Variants in ATP2B2 observed in about 807,000 individuals in gnomAD.
ATP2B2 encodes the protein ATPase plasma membrane Ca2+ transporting 2, also known as plasma membrane calcium-transporting ATPase 2.
ATP2B2 carries 15 observed loss-of-function variants against 120.0 expected under a neutral mutation model. The ratio of observed to expected loss-of-function variants is 0.12; its 90% CI spans 0.08 to 0.19. The LOEUF is 0.19. Ranked by LOEUF, ATP2B2 falls within the 10% of genes least tolerant of loss-of-function variation. The probability of loss-of-function intolerance (pLI) is 1.00; values close to 1 mark genes in which losing one functional copy is unlikely to be tolerated. For synonymous variants in ATP2B2, 694 were observed against 700.3 expected (o/e 0.99, Z 0.14); for missense variants, 1,045 against 1,719.8 (o/e 0.61, Z 6.94).
chr3:10,541,098 A>G (rs1034976937), intron 2 of ATP2B2, among the ~76,000 whole-genome samples: 1 of 152,004 alleles, frequency 6.6e-6, no homozygotes, highest in African/African-American at 2.4e-5. Context: ...TGGGGTCTGT[A>G]GCGTTATTCT....
chr3:10,571,424 G>C (rs1432487440), intron 2 of ATP2B2, among the ~76,000 whole-genome samples: 1 of 152,244 alleles, frequency 6.6e-6, no homozygotes, highest in Non-Finnish European at 1.5e-5. Flanking sequence ...CCAGCATGCT[G>C]CCTGGAGTCC....
At chr3:10,670,257 C>T (rs1308963934) in intron 1 of ATP2B2, among the ~76,000 whole-genome samples, 3 of 152,170 alleles carry the variant, frequency 2.0e-5, no homozygotes, top group African/African-American at 7.2e-5. Flanking sequence ...AAAGGGTCAT[C>T]GCCAGGCGGC....
intron 2 of ATP2B2, among the ~76,000 whole-genome samples, chr3:10,538,657 C>T (rs1037539794): frequency 2.0e-5 from 3 of 152,116 alleles, no homozygotes; most frequent in African/African-American, 7.2e-5. Flanking sequence ...GCAGAAAAGG[C>T]CTTCGACAAA....
intron 5 of ATP2B2, among the ~76,000 whole-genome samples, chr3:10,400,099 C>T (rs1289468410): frequency 3.3e-5 from 5 of 152,330 alleles, no homozygotes; most frequent in South Asian, 2.1e-4. Flanking sequence ...GCCTTTTGGG[C>T]GTCCCTGTGA....
intron 1 of ATP2B2, among the ~76,000 whole-genome samples, chr3:10,456,076 G>T (rs1198445567): frequency 6.6e-6 from 1 of 152,208 alleles, no homozygotes; most frequent in Non-Finnish European, 1.5e-5. Context: ...CAGAAGGGAG[G>T]TTGGGAGAGG....
intron 2 of ATP2B2, among the ~76,000 whole-genome samples, chr3:10,449,065 G>T (rs990857107): frequency 1.3e-5 from 2 of 152,172 alleles, no homozygotes; most frequent in Non-Finnish European, 2.9e-5. Context: ...CTCTGCGGCT[G>T]TGGGGCTCCT....
chr3:10,660,345 T>C (rs1365646600), intron 1 of ATP2B2, among the ~76,000 whole-genome samples: 1 of 151,478 alleles, frequency 6.6e-6, no homozygotes, highest in Non-Finnish European at 1.5e-5. Flanking sequence ...ATTGATAGAC[T>C]TCTAGCAAGA....
chr3:10,419,070 T>G lies in ATP2B2; in HGVS notation c.200-8255A>C, dbSNP rs140505734. Among the ~76,000 whole-genome samples, 1,453 of 152,346 alleles carry G rather than the reference T, an allele frequency of 9.5e-3. 28 individuals are homozygous for G. Among genetic ancestry groups the G allele is most frequent in the African/African-American group, 0.032 (1,317 of 41,576 alleles). On this transcript the variant is annotated intron_variant, in intron 2 of 22. Coordinates refer to ENST00000360273, the MANE Select transcript of ATP2B2 (RefSeq NM_001001331.4). ...TGGTGACTTGGGCAAATCATTTCCC[T>G]TCTCAGAGCCACAGTGTTCACCTCT...
At chr3:10,486,287 ATC>A (rs767883046) in intron 1 of ATP2B2, among the ~76,000 whole-genome samples, 3 of 151,462 alleles carry the variant, frequency 2.0e-5, no homozygotes, top group Non-Finnish European at 4.4e-5. Flanking sequence ...TGAGATGACA[ATC>A]TGTTTTTCAA....
intron 2 of ATP2B2, among the ~76,000 whole-genome samples, chr3:10,560,769 G>A (rs746857397): frequency 1.3e-5 from 2 of 152,094 alleles, no homozygotes; most frequent in African/African-American, 2.4e-5. Context: ...GGCTGGATTC[G>A]AGCACATTGT....
At chr3:10,532,538 T>A (rs1030562199) in intron 3 of ATP2B2, among the ~76,000 whole-genome samples, 1 of 152,238 alleles carries the variant, frequency 6.6e-6, no homozygotes, top group Non-Finnish European at 1.5e-5. Flanking sequence ...TGGATGGCTC[T>A]CCTCAACCTC....
intron 22 of ATP2B2, among the ~76,000 whole-genome samples, chr3:10,334,156 GC>G (rs750568860): frequency 1.3e-5 from 2 of 152,228 alleles, no homozygotes; most frequent in Non-Finnish European, 2.9e-5. Flanking sequence ...AAGGCAGTGG[GC>G]CTGCCCAGCG....
chr3:10,663,901 G>T (rs1237086782), intron 1 of ATP2B2, among the ~76,000 whole-genome samples: 2 of 152,126 alleles, frequency 1.3e-5, no homozygotes, highest in Non-Finnish European at 2.9e-5. Context: ...CTCTATCTTT[G>T]TATGTTTCCT....
intron 2 of ATP2B2, among the ~76,000 whole-genome samples, chr3:10,572,141 C>T (rs1218125873): frequency 4.6e-5 from 7 of 152,298 alleles, no homozygotes; most frequent in East Asian, 3.9e-4. Context: ...TGGTTGCAGG[C>T]GGAGGCTCAG....
In ATP2B2 at chr3:10,462,843, G is replaced by A. The variant is rs540877061; in HGVS notation, c.-319-12981C>T. Among the ~76,000 whole-genome samples the A allele has an allele frequency of 2.0e-5, 3 of 152,232 alleles. No individual in the cohort carries two copies. In the South Asian group the frequency reaches 6.2e-4, roughly 32 times the overall value. On this transcript the variant is annotated intron_variant, in intron 1 of 22. Coordinates refer to ENST00000360273, the MANE Select transcript of ATP2B2 (RefSeq NM_001001331.4). ...TCCCACATCCCACCTGATTGGCTCT[G>A]AGCTGGCCTCTCTGGGGTCTGAGCT...
chr3:10,492,152 C>T (rs1219410658), intron 1 of ATP2B2, among the ~76,000 whole-genome samples: 2 of 152,050 alleles, frequency 1.3e-5, no homozygotes, highest in Non-Finnish European at 2.9e-5. Flanking sequence ...GCTGTTGCTG[C>T]CTGGTTTCTT....
intron 2 of ATP2B2, among the ~76,000 whole-genome samples, chr3:10,615,130 C>T (rs1452122568): frequency 2.6e-5 from 4 of 152,086 alleles, no homozygotes; most frequent in Non-Finnish European, 5.9e-5. Flanking sequence ...GCACCCTAAA[C>T]CACTATTGTC....
At position 10,340,181 on chromosome 3, in the gene ATP2B2, A is replaced by T; in HGVS notation, c.3237+61T>A. On this transcript the variant is annotated intron_variant, in intron 21 of 22. Coordinates refer to ENST00000360273, the MANE Select transcript of ATP2B2 (RefSeq NM_001001331.4). This position sits in a 1 kb window ranked among gnomAD's most constrained non-coding sequence, Gnocchi z 5.0. ...CATTCCTGGGGGTCCTGGATTCTCC[A>T]TCCAGTGCTGTCTCCCTTGCCCTGC... 6.6e-7 allele frequency: 1 copy of T among 1,521,262 alleles called. No individual in the cohort carries two copies. Among genetic ancestry groups the T allele is most frequent in the Non-Finnish European group, 9.1e-7 (1 of 1,101,106 alleles). The allele number at this position is 1,521,262 out of a possible 1,614,324, so 94.2% of individuals were successfully genotyped here. A position where few individuals can be genotyped will look rare whatever the true frequency, so the allele number is the denominator to read the frequency against.
intron 1 of ATP2B2, among the ~76,000 whole-genome samples, chr3:10,696,415 G>A (rs983024900): frequency 6.6e-6 from 1 of 151,916 alleles, no homozygotes; most frequent in Admixed American, 6.6e-5. Flanking sequence ...CTCTCTCTCT[G>A]GTTCTCCCAC....
Sources: gnomAD v4.1 joint callset for allele counts (sites outside exome capture counted in the v4.1 genomes callset) on GRCh38, gnomAD v4.1.1 for gene constraint, Gnocchi (gnomAD v3.1) non-coding constraint, MANE v1.5 for transcripts, NCBI Gene and HGNC (gene_info 2026-07-23, HGNC 2026-07-21) for gene names.